The following MYH11 variants were observed in gnomAD, a reference collection of about 807,000 sequenced individuals.
MYH11 encodes myosin-11.
A neutral mutation model predicts 246.6 loss-of-function variants in MYH11; 80 were observed. The ratio of observed to expected loss-of-function variants is 0.32; its 90% CI spans 0.27 to 0.39. The LOEUF is 0.39. Among genes scored for constraint, MYH11 ranks in the 10% least tolerant of loss-of-function variants. The pLI, the probability that MYH11 is intolerant of heterozygous loss-of-function variation, is 1.00. For missense variants in MYH11, 2,158 were observed against 2,546.8 expected (o/e 0.85, Z 3.29); for synonymous variants, 1,071 against 1,015.5 (o/e 1.05, Z -1.04).
At chr16:15,763,741 T>TGGGGGGGGG in intron 10 of MYH11, 55 bp downstream of exon 10, 1 of 646,860 alleles carries the variant, frequency 1.5e-6, no homozygotes, top group Non-Finnish European at 2.9e-6. Flanking sequence ...AAATGTCACC[T>TGGGGGGGGG]CCCCCACCCC....
intron 3 of MYH11, among the ~76,000 whole-genome samples, chr16:15,812,517 G>C (rs1322640227): frequency 8.8e-6 from 1 of 113,122 alleles, no homozygotes; most frequent in African/African-American, 3.4e-5. Context: ...AGGAATGAGA[G>C]ACCAGCCTGG....
At chr16:15,710,982 G>A (rs2039758749) in intron 40 of MYH11, 1 of 152,510 alleles carries the variant, frequency 6.6e-6, no homozygotes, top group South Asian at 2.1e-4. Context: ...TTTGCCCCAG[G>A]AGTCTTCACA....
At chr16:15,745,803 T>C (rs1464751259) in intron 19 of MYH11, among the ~76,000 whole-genome samples, 2 of 152,080 alleles carry the variant, frequency 1.3e-5, no homozygotes, top group South Asian at 2.1e-4. Context: ...GCCAGGTGGG[T>C]CTCAAACTCC....
rs200522079 is a variant in MYH11, at chr16:15,715,087, G to A, written c.5614-6C>T. The stretch of plus-strand genomic sequence containing the variant: ...CTGGCATTGCCTTTCTCTGCCTGTC[G>A]CGGAGAGTTGGAGGGGTGGTTAGGG... On this transcript the variant is annotated splice_region_variant and splice_polypyrimidine_tract_variant and intron_variant, in intron 39 of 40. Transcript: ENST00000300036. 3.5e-5 allele frequency: 57 copies of A among 1,612,656 alleles called. No individual in the cohort carries two copies. In the East Asian group the frequency reaches 7.1e-4, roughly 20 times the overall value.
chr16:15,847,803 G>C (rs1253765484), intron 1 of MYH11, among the ~76,000 whole-genome samples: 1 of 152,148 alleles, frequency 6.6e-6, no homozygotes, highest in Non-Finnish European at 1.5e-5. Flanking sequence ...TGCAAAATCT[G>C]CTTTGGTCAA....
intron 3 of MYH11, among the ~76,000 whole-genome samples, chr16:15,816,371 T>C (rs2043263310): frequency 1.3e-5 from 2 of 152,002 alleles, no homozygotes; most frequent in South Asian, 4.2e-4. Flanking sequence ...GAAAGAGATT[T>C]TGGGGCAGAA....
chr16:15,843,936 T>C (rs1307764780), intron 1 of MYH11, among the ~76,000 whole-genome samples: 1 of 151,952 alleles, frequency 6.6e-6, no homozygotes, highest in Admixed American at 6.6e-5. Flanking sequence ...GATGAAGAGC[T>C]CTTGTGGAAT....
At position 15,823,535 on chromosome 16, in the gene MYH11, G is replaced by C. The variant is rs771191207; in HGVS notation, c.346-124C>G. On this transcript the variant is annotated intron_variant, in intron 2 of 40. Transcript: ENST00000300036. ...AGCTTGGAGTCTTAGTGGAAACCCT[G>C]GGCCTCACTGATATTCCAGGTACGT... The C allele has an allele frequency of 5.9e-6, 7 of 1,193,370 alleles. No individual in the cohort carries two copies. The African/African-American group carries it at 9.0e-5, about 15-fold the overall frequency. 73.9% of individuals were successfully genotyped at this position (1,193,370 alleles called of 1,614,324 possible). A position where few individuals can be genotyped will look rare whatever the true frequency, so the allele number is the denominator to read the frequency against.
chr16:15,745,336 C>A, intron 19 of MYH11, 99 bp from the exon 20 acceptor site: 1 of 759,632 alleles, frequency 1.3e-6, no homozygotes, highest in East Asian at 2.6e-5. Context: ...CAGGGACATG[C>A]CCCAATCTCC....
intron 33 of MYH11, among the ~76,000 whole-genome samples, chr16:15,720,585 C>G (rs1286656032): frequency 2.7e-5 from 4 of 147,256 alleles, no homozygotes; most frequent in Admixed American, 6.7e-5. Context: ...CTTGTCTCCA[C>G]TGAAAAAAAA....
At chr16:15,715,443 T>C (rs571540622) in intron 38 of MYH11, among the ~76,000 whole-genome samples, 171 bp from the exon 39 acceptor site, 5 of 152,132 alleles carry the variant, frequency 3.3e-5, no homozygotes, top group Admixed American at 2.6e-4. Flanking sequence ...GAATAAAGTA[T>C]CAATGCATGC....
Position 15,720,841 on chromosome 16 carries a change from G to T in MYH11, c.4789C>A (p.Gln1597Lys). ...NEEKRRQLQR[Q>K]LHEYETELED... ...CTGGCCTCCCCGGCAGCACGCACCT[G>T]TCTCTGCAGTTGCCTCCTCTTCTCC... The change falls in exon 33 of 41, where the codon CAG becomes AAG. Residue 1597 changes from glutamine to lysine, a missense_variant and splice_region_variant. Transcript: ENST00000300036. The T allele has an allele frequency of 6.2e-7, 1 of 1,613,466 alleles. No individual in the cohort carries two copies. The highest frequency in any genetic ancestry group is 8.5e-7 in the Non-Finnish European group (1 of 1,180,012).
chr16:15,733,954 G>A (rs1395731039), intron 26 of MYH11, among the ~76,000 whole-genome samples: 1 of 152,248 alleles, frequency 6.6e-6, no homozygotes, highest in African/African-American at 2.4e-5. Flanking sequence ...AAACCCCAGG[G>A]TATATGGTGT....
chr16:15,842,789 A>AAAAAAAAAAAAAAAAAAAAAAAC, intron 1 of MYH11, among the ~76,000 whole-genome samples: 1 of 147,892 alleles, frequency 6.8e-6, no homozygotes, highest in Non-Finnish European at 1.5e-5. Flanking sequence ...AAAAAAAAAA[A>AAAAAAAAAAAAAAAAAAAAAAAC]AGGGCAGAGA....
chr16:15,759,400 A>G (rs969785063), intron 12 of MYH11, among the ~76,000 whole-genome samples, 176 bp downstream of exon 12: 3 of 151,922 alleles, frequency 2.0e-5, no homozygotes, highest in African/African-American at 4.8e-5. Context: ...CCAGAAACCA[A>G]TGCATTTCCT....
intron 3 of MYH11, among the ~76,000 whole-genome samples, chr16:15,822,335 CT>C (rs2043436756): frequency 6.6e-6 from 1 of 152,128 alleles, no homozygotes; most frequent in African/African-American, 2.4e-5. Context: ...CCTAGTCCCT[CT>C]GTTTGACTTG....
intron 6 of MYH11, chr16:15,779,281 G>C: frequency 3.4e-6 from 1 of 292,304 alleles, no homozygotes; most frequent in South Asian, 3.6e-5. Flanking sequence ...TAGGACTACA[G>C]GCATGCACCA....
intron 9 of MYH11, among the ~76,000 whole-genome samples, chr16:15,770,564 AC>A (rs2042078064): frequency 1.3e-5 from 2 of 151,692 alleles, no homozygotes; most frequent in East Asian, 1.9e-4. Flanking sequence ...CACCAGAGCA[AC>A]CCCTCCAGGA....
chr16:15,756,609 G>A, intron 13 of MYH11, 95 bp from the exon 14 acceptor site: 4 of 1,250,142 alleles, frequency 3.2e-6, no homozygotes, highest in Non-Finnish European at 3.5e-6. Context: ...ATGGGCATCC[G>A]CCGAGATCTG....
Sources: allele counts gnomAD v4.1 joint callset (sites outside exome capture counted in the v4.1 genomes callset), GRCh38; gene constraint gnomAD v4.1.1; transcripts MANE v1.5; gene names NCBI Gene and HGNC (gene_info 2026-07-23, HGNC 2026-07-21).